Variants in KIF11 observed in about 807,000 individuals in gnomAD.
KIF11 encodes the protein kinesin family member 11.
KIF11 carries 9 observed loss-of-function variants against 121.0 expected under a neutral mutation model. The ratio of observed to expected loss-of-function variants is 0.07; its 90% CI spans 0.04 to 0.13. The LOEUF is 0.13. Ranked by LOEUF, KIF11 falls within the 10% of genes least tolerant of loss-of-function variation. KIF11 has a pLI of 1.00. For missense variants in KIF11, 846 were observed against 1,217.5 expected, an observed-to-expected ratio of 0.69 and a Z score of 4.54; for synonymous variants, 408 against 421.0, an observed-to-expected ratio of 0.97 and a Z score of 0.38.
intron 12 of KIF11, among the ~76,000 whole-genome samples, chr10:92,631,838 G>A (rs952346363): frequency 1.3e-5 from 2 of 151,848 alleles, no homozygotes; most frequent in Admixed American, 6.6e-5. Flanking sequence ...ACCACACCCA[G>A]CTAATTTTGT....
At chr10:92,646,658 G>A (rs1589607388) in intron 18 of KIF11, among the ~76,000 whole-genome samples, 1 of 152,146 alleles carries the variant, frequency 6.6e-6, no homozygotes, top group East Asian at 1.9e-4. Context: ...CTTCAAAGGT[G>A]GCATAATTTG....
intron 6 of KIF11, among the ~76,000 whole-genome samples, chr10:92,612,339 T>C (rs1844506986): frequency 6.6e-6 from 1 of 152,162 alleles, no homozygotes; most frequent in Non-Finnish European, 1.5e-5. Flanking sequence ...GGTCCCACTA[T>C]GTTGCCCAGG....
chr10:92,607,308 G>A, intron 4 of KIF11, 71 bp downstream of exon 4: 1 of 879,522 alleles, frequency 1.1e-6, no homozygotes. Context: ...CTTGTTTGAG[G>A]GCCTCTGTCT....
At chr10:92,651,002 A>G (rs1307036370) in intron 21 of KIF11, among the ~76,000 whole-genome samples, 1 of 151,858 alleles carries the variant, frequency 6.6e-6, no homozygotes, top group African/African-American at 2.4e-5. Context: ...GCCTGCTCTA[A>G]TCCAGTGTAA....
intron 1 of KIF11, among the ~76,000 whole-genome samples, chr10:92,595,263 T>C (rs1482923928): frequency 6.6e-6 from 1 of 152,236 alleles, no homozygotes; most frequent in African/African-American, 2.4e-5. Context: ...TTTCACCATG[T>C]TGGCCAGGCT....
intron 17 of KIF11, among the ~76,000 whole-genome samples, chr10:92,641,478 T>C (rs1844865544): frequency 6.6e-6 from 1 of 152,230 alleles, no homozygotes; most frequent in African/African-American, 2.4e-5. Context: ...TTTTCCAGCA[T>C]TTGAAATATT....
intron 10 of KIF11, among the ~76,000 whole-genome samples, chr10:92,627,386 T>C (rs745497691): frequency 5.4e-4 from 82 of 152,340 alleles, no homozygotes; most frequent in African/African-American, 1.9e-3. Flanking sequence ...TTCTCTATTT[T>C]ACTTTTTATG....
intron 17 of KIF11, among the ~76,000 whole-genome samples, chr10:92,641,754 A>G (rs1844867822): frequency 6.6e-6 from 1 of 152,040 alleles, no homozygotes; most frequent in African/African-American, 2.4e-5. Context: ...ACTCTTTTTC[A>G]TCTGCCCCTA....
chr10:92,602,902 C>G (rs923646037), intron 1 of KIF11, among the ~76,000 whole-genome samples: 2 of 150,900 alleles, frequency 1.3e-5, no homozygotes, highest in South Asian at 2.1e-4. Flanking sequence ...GTTGCCCAGG[C>G]TGGGGTGCAA....
In KIF11 at chr10:92,645,623, A is replaced by G. The variant is rs772186049; in HGVS notation, c.2528A>G (p.Glu843Gly). The part of the protein sequence containing the change: ...WVSSLNEREQ[E>G]LHNLLEVVSQ... ...TCTTCCTTAAATGAAAGGGAACAGG[A>G]ACTTCACAACTTATTGGAGGTAATA... Residue 843 changes from glutamate to glycine, a missense_variant, in exon 18 of 22, where the codon GAA becomes GGA. Transcript: ENST00000260731. 1 of 1,596,364 alleles carries G rather than the reference A, an allele frequency of 6.3e-7. No homozygotes were observed. The highest frequency in any genetic ancestry group is 8.5e-7 in the Non-Finnish European group (1 of 1,171,974).
At chr10:92,631,015 G>T (rs143117585) in intron 12 of KIF11, among the ~76,000 whole-genome samples, 3,145 of 151,766 alleles carry the variant, frequency 0.021, 47 homozygotes, top group Admixed American at 0.052. Flanking sequence ...TCCAGGCATG[G>T]TGGCTCACGC....
chr10:92,613,279 T>C lies in KIF11; in HGVS notation c.790-98T>C. 9.1e-7 allele frequency: 1 copy of C among 1,097,510 alleles called. No homozygotes were observed. The highest frequency in any genetic ancestry group is 1.3e-6 in the Non-Finnish European group (1 of 775,032). The allele number at this position is 1,097,510 out of a possible 1,614,324, so 68.0% of individuals were successfully genotyped here. On this transcript the variant is annotated intron_variant, in intron 7 of 21. Transcript: ENST00000260731. This position sits in a 1 kb window ranked among gnomAD's most constrained non-coding sequence, Gnocchi z 4.2. The stretch of plus-strand genomic sequence containing the variant: ...TTTGTTAATTACAGAAAAAATTATT[T>C]TGCTGGCGATTTAATACATTATGTA...
intron 18 of KIF11, 30 bp downstream of exon 18, chr10:92,645,672 G>T: frequency 6.8e-7 from 1 of 1,478,092 alleles, no homozygotes; most frequent in South Asian, 1.3e-5. Context: ...AACTTACTTT[G>T]GGGAGAATAA....
At chr10:92,608,761 GT>G (rs1436520589) in intron 4 of KIF11, among the ~76,000 whole-genome samples, 1 of 152,148 alleles carries the variant, frequency 6.6e-6, no homozygotes, top group Admixed American at 6.5e-5. Context: ...AAGTAGATAG[GT>G]TCCATTGGTT....
At chr10:92,648,108 C>CAAAAAAAAAA (rs34357393) in intron 18 of KIF11, 104 bp from the exon 19 acceptor site, 28 of 685,454 alleles carry the variant, frequency 4.1e-5, no homozygotes, top group African/African-American at 3.5e-4. Context: ...GACTTGTCTC[C>CAAAAAAAAAA]AAAAAAAAAA....
intron 10 of KIF11, among the ~76,000 whole-genome samples, chr10:92,624,294 G>A (rs1046172162): frequency 7.6e-5 from 10 of 132,112 alleles, no homozygotes; most frequent in Admixed American, 5.5e-4. Flanking sequence ...ATAGTGGTGT[G>A]ATCTCGGCTC....
intron 1 of KIF11, among the ~76,000 whole-genome samples, chr10:92,605,300 C>G (rs940131016): frequency 1.8e-4 from 27 of 152,130 alleles, no homozygotes; most frequent in African/African-American, 6.0e-4. Context: ...TGTGGACAAA[C>G]TGAGTGAGCA....
chr10:92,647,113 A>T (rs958853661), intron 18 of KIF11, among the ~76,000 whole-genome samples: 2 of 152,184 alleles, frequency 1.3e-5, no homozygotes, highest in South Asian at 4.1e-4. Context: ...ACTACCTATG[A>T]AATACTCTTG....
Position 92,645,490 on chromosome 10 carries a change from A to C in KIF11, c.2395A>C (p.Lys799Gln). The change falls in exon 18 of 22, where the codon AAA becomes CAA. Residue 799 changes from lysine to glutamine, a missense_variant. By Grantham distance (53) the Lys-to-Gln change is moderately conservative (BLOSUM62 1). Transcript: ENST00000260731. ...EGTKLVEESV[K>Q]HSDKLNGNLE... ...TACAAAATTGGTTGAAGAATCTGTG[A>C]AACACTCTGATAAACTCAATGGCAA... The C allele has an allele frequency of 6.2e-7, 1 of 1,614,150 alleles. No homozygotes were observed. The highest frequency in any genetic ancestry group is 8.5e-7 in the Non-Finnish European group (1 of 1,179,998).
Sources: gnomAD v4.1 joint callset for allele counts (sites outside exome capture counted in the v4.1 genomes callset) on GRCh38, gnomAD v4.1.1 for gene constraint, Gnocchi (gnomAD v3.1) non-coding constraint, MANE v1.5 for transcripts, NCBI Gene and HGNC (gene_info 2026-07-23, HGNC 2026-07-21) for gene names.